IVD: variants seen among roughly 807,000 people sequenced by gnomAD.
The protein encoded by IVD is isovaleryl-CoA dehydrogenase.
A neutral mutation model predicts 51.3 loss-of-function variants in IVD; 31 were observed. The observed-to-expected ratio is 0.60, with a 90% CI of 0.45 to 0.81. IVD has a LOEUF of 0.81. IVD is among the 40% of genes least tolerant of loss of function. IVD has a pLI of 0.00. For synonymous variants in IVD, 205 were observed against 219.4 expected, an observed-to-expected ratio of 0.93 and a Z score of 0.58; for missense variants, 475 against 552.0, an observed-to-expected ratio of 0.86 and a Z score of 1.40.
At chr15:40,406,055 G>A in intron 1 of IVD, 84 bp downstream of exon 1, 1 of 1,485,264 alleles carries the variant, frequency 6.7e-7, no homozygotes, top group South Asian at 1.3e-5. Flanking sequence ...GTCCCCATCG[G>A]CCCAGCGCCC....
Position 40,411,248 on chromosome 15 carries a change from T to C in IVD, c.457-12T>C. On this transcript the variant is annotated splice_polypyrimidine_tract_variant and intron_variant, in intron 4 of 11. Transcript: ENST00000487418. ...AGGTTGTAACAAGGCCTGTTGGGGG[T>C]TTTCCTTGCAGCTGATCAGTGGTGA... 3 of 1,612,774 alleles carry C rather than the reference T, an allele frequency of 1.9e-6. No homozygotes were observed. The highest frequency in any genetic ancestry group is 1.7e-4 in the Middle Eastern group (1 of 6,056).
chr15:40,412,740 G>A, intron 6 of IVD: 1 of 502,480 alleles, frequency 2.0e-6, no homozygotes, highest in Non-Finnish European at 3.6e-6. Context: ...AGGGAACTGA[G>A]CATATCATTG....
chr15:40,435,834 C>A, downstream of IVD: 1 of 475,490 alleles, frequency 2.1e-6, no homozygotes, highest in Non-Finnish European at 2.8e-6. Context: ...GGCTTAGCCC[C>A]TTCTTGGAAC....
intron 6 of IVD, among the ~76,000 whole-genome samples, chr15:40,411,931 C>G (rs1891131129): frequency 6.6e-6 from 1 of 152,100 alleles, no homozygotes; most frequent in South Asian, 2.1e-4. Context: ...ACAAAGAGGT[C>G]TAGAAAGGGG....
In IVD at chr15:40,419,161, T is replaced by C. The variant is rs1434099709; in HGVS notation, c.*898T>C. 1 of 1,289,218 alleles carries C rather than the reference T, an allele frequency of 7.8e-7. No homozygotes were observed. The highest frequency in any genetic ancestry group is 1.0e-6 in the Non-Finnish European group (1 of 988,846). 79.9% of individuals were successfully genotyped at this position (1,289,218 alleles called of 1,614,324 possible). A position where few individuals can be genotyped will look rare whatever the true frequency, so the allele number is the denominator to read the frequency against. On this transcript the variant is annotated 3_prime_UTR_variant, in exon 12 of 12. Transcript: ENST00000487418. ...AAAACAAAACAAAACAAAAAAACCC[T>C]GGCCCTTGTTTCTTCCAGTTTCTAG...
At chr15:40,414,802 G>T (rs1012514809) in intron 7 of IVD, 87 bp from the exon 8 acceptor site, 15 of 1,576,166 alleles carry the variant, frequency 9.5e-6, no homozygotes, top group Non-Finnish European at 6.9e-6. Context: ...CCTTACTTGA[G>T]AGCCATGTTT....
At chr15:40,424,106 A>C (rs1265764377), downstream of IVD, 3 of 1,247,250 alleles carry the variant, frequency 2.4e-6, no homozygotes, top group Non-Finnish European at 3.1e-6. Context: ...GGATCTTAAC[A>C]TCCTGCCAAC....
At chr15:40,429,469 A>G (rs1376509933), downstream of IVD, among the ~76,000 whole-genome samples, 1 of 152,192 alleles carries the variant, frequency 6.6e-6, no homozygotes, top group Non-Finnish European at 1.5e-5. Flanking sequence ...AATGTTACCC[A>G]TTCTTTAAGA....
rs755368630 is a variant in IVD at position 40,407,699 on chromosome 15, C to T, written c.208C>T (p.Arg70Cys). The change falls in exon 2 of 12, where the codon CGC becomes TGC. Residue 70 changes from arginine (R) to cysteine (C), a missense_variant. Arg to Cys is a radical substitution (Grantham distance 180). Coordinates refer to ENST00000487418, the MANE Select transcript of IVD (RefSeq NM_002225.5). Reference protein sequence around the residue: ...HLAPKAQEIDRSNEFKNLREF... With the variant: ...HLAPKAQEIDCSNEFKNLREF... ...GGCCCCCAAGGCCCAGGAGATCGATCGCAGCAATGAGTTCAAGAACCTGCG... is the reference window on the plus strand; with the variant it reads ...GGCCCCCAAGGCCCAGGAGATCGATTGCAGCAATGAGTTCAAGAACCTGCG... 6.2e-6 allele frequency: 10 copies of T among 1,614,062 alleles called. No individual in the cohort carries two copies. Among genetic ancestry groups the T allele is most frequent in the African/African-American group, 4.0e-5 (3 of 74,926 alleles).
downstream of IVD, among the ~76,000 whole-genome samples, chr15:40,424,747 G>A (rs996418298): frequency 2.6e-5 from 4 of 152,212 alleles, no homozygotes; most frequent in African/African-American, 9.6e-5. Flanking sequence ...ACATTTTGCT[G>A]GTATACTGTT....
At chr15:40,410,516 G>C in intron 3 of IVD, 112 bp from the exon 4 acceptor site, 1 of 1,208,376 alleles carries the variant, frequency 8.3e-7, no homozygotes, top group Non-Finnish European at 1.2e-6. Flanking sequence ...AGAGAATTTG[G>C]AGTAGGTGCT....
In IVD at chr15:40,411,547, G is replaced by A; in HGVS notation, c.551-8G>A. ...GGCTTGAGCAAATAGCCAACATCCTGCCCTTAGGAAATCACTACATCCTGA... is the reference window on the plus strand; with the variant it reads ...GGCTTGAGCAAATAGCCAACATCCTACCCTTAGGAAATCACTACATCCTGA... On this transcript the variant is annotated splice_region_variant and splice_polypyrimidine_tract_variant and intron_variant, in intron 5 of 11. Transcript: ENST00000487418. 6.2e-7 allele frequency: 1 copy of A among 1,614,216 alleles called. No homozygotes were observed.
chr15:40,422,702 C>T (rs558449719), downstream of IVD, among the ~76,000 whole-genome samples: 30 of 143,774 alleles, frequency 2.1e-4, no homozygotes, highest in African/African-American at 6.7e-4. Flanking sequence ...AGGGTTCAAG[C>T]GATTCTCGTG....
intron 4 of IVD, 24 bp downstream of exon 4, chr15:40,410,821 A>G (rs1334019582): frequency 6.2e-7 from 1 of 1,613,132 alleles, no homozygotes; most frequent in Admixed American, 1.7e-5. Flanking sequence ...AATGTAATAC[A>G]CGCTAATCTC....
At chr15:40,407,751 G>T in intron 2 of IVD, 26 bp downstream of exon 2, 1 of 1,593,132 alleles carries the variant, frequency 6.3e-7, no homozygotes, top group South Asian at 1.1e-5. Flanking sequence ...CGGGCAGTCG[G>T]GGGCAGTCAG....
chr15:40,429,732 A>AG (rs1292910824), intron 7 of IVD, among the ~76,000 whole-genome samples: 1 of 152,190 alleles, frequency 6.6e-6, no homozygotes, highest in African/African-American at 2.4e-5. Flanking sequence ...AGGAGTGGGC[A>AG]GGGGGGAATC....
chr15:40,430,934 T>G (rs955722691), intron 7 of IVD, among the ~76,000 whole-genome samples: 5 of 152,226 alleles, frequency 3.3e-5, no homozygotes, highest in Non-Finnish European at 7.3e-5. Flanking sequence ...TGCAACATTT[T>G]GCCCCCAATC....
Position 40,418,290 on chromosome 15 carries a change from T to C in IVD, c.*27T>C, listed in dbSNP as rs369472717. 6.2e-7 allele frequency: 1 copy of C among 1,613,252 alleles called. No homozygotes were observed. The highest frequency in any genetic ancestry group is 8.5e-7 in the Non-Finnish European group (1 of 1,179,574). On this transcript the variant is annotated 3_prime_UTR_variant, in exon 12 of 12. Transcript: ENST00000487418. ...CCTGAGACCCTTCGCCCCCTTTTCCTGCACCTAGTGGCCTTTCTTGGGAAG... is the reference window on the plus strand; with the variant it reads ...CCTGAGACCCTTCGCCCCCTTTTCCCGCACCTAGTGGCCTTTCTTGGGAAG...
intron 3 of IVD, among the ~76,000 whole-genome samples, chr15:40,408,417 C>A (rs912065616): frequency 6.6e-6 from 1 of 152,144 alleles, no homozygotes; most frequent in Admixed American, 6.5e-5. Context: ...TGTGTCCCTG[C>A]AGGGACTGCC....
Sources: gnomAD v4.1 joint callset for allele counts (sites outside exome capture counted in the v4.1 genomes callset) on GRCh38, gnomAD v4.1.1 for gene constraint, MANE v1.5 for transcripts, NCBI Gene and HGNC (gene_info 2026-07-23, HGNC 2026-07-21) for gene names.